MYT1L: variants seen among roughly 807,000 people sequenced by gnomAD.
The protein encoded by MYT1L is myelin transcription factor 1 like.
MYT1L carries 12 observed loss-of-function variants against 126.7 expected under a neutral mutation model. The ratio of observed to expected loss-of-function variants is 0.09; its 90% CI spans 0.06 to 0.15. The LOEUF is 0.15. MYT1L is among the 10% of genes least tolerant of loss of function. MYT1L has a pLI of 1.00. For missense variants in MYT1L, 979 were observed against 1,585.2 expected (o/e 0.62, Z 6.49); for synonymous variants, 541 against 604.2 (o/e 0.90, Z 1.53).
chr2:2,263,774 G>C (rs2095052659), intron 2 of MYT1L, among the ~76,000 whole-genome samples: 1 of 152,112 alleles, frequency 6.6e-6, no homozygotes, highest in South Asian at 2.1e-4. Context: ...CTGCTAGTTG[G>C]AGGGGCCAGT....
intron 3 of MYT1L, among the ~76,000 whole-genome samples, chr2:2,110,578 CCTT>C (rs1464059088): frequency 1.4e-5 from 2 of 139,634 alleles, no homozygotes; most frequent in Non-Finnish European, 1.6e-5. Context: ...CTCCCTCTCT[CCTT>C]CTCTTCCTCC....
At chr2:1,945,753 A>G (rs2057152219) in intron 8 of MYT1L, among the ~76,000 whole-genome samples, 1 of 152,184 alleles carries the variant, frequency 6.6e-6, no homozygotes, top group South Asian at 2.1e-4. Context: ...AATAGTGATA[A>G]TAACAAGAAA....
At chr2:2,026,403 G>A (rs2065577607) in intron 4 of MYT1L, among the ~76,000 whole-genome samples, 1 of 152,186 alleles carries the variant, frequency 6.6e-6, no homozygotes, top group Non-Finnish European at 1.5e-5. Context: ...GTTGCGAGCT[G>A]TGGATCCTGG....
chr2:2,057,822 A>G (rs2069809323), intron 3 of MYT1L, among the ~76,000 whole-genome samples: 1 of 152,166 alleles, frequency 6.6e-6, no homozygotes, highest in South Asian at 2.1e-4. Flanking sequence ...ATGGCTGTAC[A>G]CAGTTTAACT....
At chr2:2,169,476 C>T (rs1481818895) in intron 3 of MYT1L, among the ~76,000 whole-genome samples, 2 of 152,130 alleles carry the variant, frequency 1.3e-5, no homozygotes, top group Non-Finnish European at 2.9e-5. Context: ...TTTTTAAAGT[C>T]CGAGGCAAAC....
At chr2:2,241,275 TTGTGTGTGTG>T (rs35742332) in intron 2 of MYT1L, among the ~76,000 whole-genome samples, 1 of 150,746 alleles carries the variant, frequency 6.6e-6, no homozygotes. Flanking sequence ...AATACATCTT[TTGTGTGTGTG>T]TGTGTGTGTG....
chr2:1,869,889 T>C (rs2046061475), intron 18 of MYT1L, among the ~76,000 whole-genome samples: 1 of 152,134 alleles, frequency 6.6e-6, no homozygotes, highest in African/African-American at 2.4e-5. Context: ...ACCACACAGA[T>C]CTCCAATTTC....
rs544539508 is a variant in MYT1L, at chr2:2,159,478, G to A, written c.-304+13394C>T. Among the ~76,000 whole-genome samples the A allele has an allele frequency of 7.9e-5, 12 of 151,624 alleles. No homozygotes were observed. The South Asian group carries it at 2.5e-3, about 32-fold the overall frequency. On this transcript the variant is annotated intron_variant, in intron 3 of 24. Transcript: ENST00000647738. ...TTAACACACACCAGGTGTGGTGTGG[G>A]ATCTCGCCTGGCTTTCCTGCCCCAT...
intron 5 of MYT1L, among the ~76,000 whole-genome samples, chr2:1,996,058 G>A (rs2061807386): frequency 1.3e-5 from 2 of 152,238 alleles, no homozygotes; most frequent in African/African-American, 2.4e-5. Flanking sequence ...AAGTGGAAGA[G>A]GGAAGGGCCG....
intron 2 of MYT1L, among the ~76,000 whole-genome samples, chr2:2,223,330 G>A (rs1053632735): frequency 1.3e-5 from 2 of 152,186 alleles, no homozygotes; most frequent in African/African-American, 4.8e-5. Context: ...TAAAGAGAGA[G>A]TATCTTTGCT....
intron 3 of MYT1L, among the ~76,000 whole-genome samples, chr2:2,065,869 C>G (rs1287791107): frequency 6.7e-6 from 1 of 149,742 alleles, no homozygotes; most frequent in African/African-American, 2.4e-5. Context: ...CACACACACA[C>G]AGAGCATCTA....
intron 2 of MYT1L, among the ~76,000 whole-genome samples, chr2:2,282,832 T>C (rs1282069954): frequency 6.6e-6 from 1 of 152,198 alleles, no homozygotes; most frequent in East Asian, 1.9e-4. Flanking sequence ...CCCAGCACTT[T>C]GGGAAACCGA....
chr2:2,275,893 C>T (rs1303412736), intron 2 of MYT1L, among the ~76,000 whole-genome samples: 1 of 152,228 alleles, frequency 6.6e-6, no homozygotes, highest in Non-Finnish European at 1.5e-5. Flanking sequence ...AGCCAACCTC[C>T]TCTGCCTGGG....
At chr2:2,036,521 G>A (rs1421984030) in intron 4 of MYT1L, among the ~76,000 whole-genome samples, 1 of 152,176 alleles carries the variant, frequency 6.6e-6, no homozygotes, top group Non-Finnish European at 1.5e-5. Context: ...ACTCTCTGAT[G>A]TCTTCTTTTC....
At chr2:1,972,854 ATTTTAAT>A in intron 8 of MYT1L, among the ~76,000 whole-genome samples, 1 of 152,322 alleles carries the variant, frequency 6.6e-6, no homozygotes, top group East Asian at 1.9e-4. Flanking sequence ...TCACTTGGAG[ATTTTAAT>A]TTTTAAGTTT....
At chr2:2,211,807 A>AGAAAAAAAAAACAAACAAAC (rs761609526) in intron 2 of MYT1L, among the ~76,000 whole-genome samples, 2 of 149,378 alleles carry the variant, frequency 1.3e-5, no homozygotes, top group African/African-American at 2.5e-5. Flanking sequence ...CCATGTCAAA[A>AGAAAAAAAAAACAAACAAAC]AAAAAAAAAA....
chr2:2,075,666 G>C (rs868759987), intron 3 of MYT1L, among the ~76,000 whole-genome samples: 9 of 152,166 alleles, frequency 5.9e-5, no homozygotes, highest in African/African-American at 1.9e-4. Context: ...TGGTTCAAAG[G>C]CAGCTGAAAT....
chr2:2,064,901 A>G (rs1244902321), intron 3 of MYT1L, among the ~76,000 whole-genome samples: 2 of 152,226 alleles, frequency 1.3e-5, no homozygotes, highest in East Asian at 1.9e-4. Context: ...AAATTAAGAA[A>G]TGAGTGTATG....
At chr2:2,242,105 A>C (rs1450795868) in intron 2 of MYT1L, among the ~76,000 whole-genome samples, 1 of 152,166 alleles carries the variant, frequency 6.6e-6, no homozygotes, top group Admixed American at 6.5e-5. Context: ...GGAAAAGGAA[A>C]AGGAAAAAAT....
Sources: gnomAD v4.1 joint callset for allele counts (sites outside exome capture counted in the v4.1 genomes callset) on GRCh38, gnomAD v4.1.1 for gene constraint, MANE v1.5 for transcripts, NCBI Gene and HGNC (gene_info 2026-07-23, HGNC 2026-07-21) for gene names.